STK3: variants seen among roughly 807,000 people sequenced by gnomAD.
STK3 encodes the protein serine/threonine kinase 3, also known as serine/threonine-protein kinase 3.
A neutral mutation model predicts 58.0 loss-of-function variants in STK3; 41 were observed. That is an observed-to-expected ratio of 0.71 (90% CI 0.55 to 0.92). The LOEUF (loss-of-function observed/expected upper bound fraction) is 0.92. Ranked by LOEUF, STK3 falls within the 40% of genes least tolerant of loss-of-function variation. STK3 has a pLI of 0.00. For missense variants in STK3, 479 were observed against 602.7 expected, an observed-to-expected ratio of 0.79 and a Z score of 2.15; for synonymous variants, 170 against 191.0, an observed-to-expected ratio of 0.89 and a Z score of 0.91.
intron 7 of STK3, among the ~76,000 whole-genome samples, chr8:98,584,321 TC>T (rs1395860318): frequency 6.6e-6 from 1 of 151,684 alleles, no homozygotes; most frequent in Non-Finnish European, 1.5e-5. Context: ...ATTGTTCAAT[TC>T]CCACCTATGA....
At chr8:98,810,060 A>G (rs964672288) in intron 1 of STK3, among the ~76,000 whole-genome samples, 61 of 152,250 alleles carry the variant, frequency 4.0e-4, no homozygotes, top group African/African-American at 1.4e-3. Context: ...AGCAGGAGGA[A>G]GAGAGAGAGA....
chr8:98,828,437 C>CAAAAAAAAAAAAAAAAAAAAAAAAAAAAA (rs367737626), upstream of STK3, among the ~76,000 whole-genome samples: 1 of 48,586 alleles, frequency 2.1e-5, no homozygotes, highest in Non-Finnish European at 3.5e-5. Context: ...CCCATCTCTA[C>CAAAAAAAAAAAAAAAAAAAAAAAAAAAAA]AAAAAAAAAA....
intron 1 of STK3, among the ~76,000 whole-genome samples, chr8:98,804,600 TTTC>T (rs1833791307): frequency 6.6e-6 from 1 of 152,200 alleles, no homozygotes; most frequent in South Asian, 2.1e-4. Context: ...TTCCCAAGAA[TTTC>T]TTATCTTCAA....
chr8:98,831,353 A>T (rs1587722497), intron 3 of STK3, among the ~76,000 whole-genome samples: 1 of 152,326 alleles, frequency 6.6e-6, no homozygotes, highest in East Asian at 1.9e-4. Flanking sequence ...CCTAGGCTCA[A>T]GGAATCCTCC....
At chr8:98,726,636 A>G (rs1397169875) in intron 4 of STK3, among the ~76,000 whole-genome samples, 3 of 152,208 alleles carry the variant, frequency 2.0e-5, no homozygotes, top group African/African-American at 7.2e-5. Context: ...AGCACTGATC[A>G]TTAGTACCCA....
intron 6 of STK3, among the ~76,000 whole-genome samples, chr8:98,626,722 C>G (rs141323782): frequency 2.0e-4 from 30 of 152,300 alleles, no homozygotes; most frequent in African/African-American, 7.2e-4. Flanking sequence ...TTCTTTCAAA[C>G]AGCCTCTAGG....
intron 3 of STK3, among the ~76,000 whole-genome samples, chr8:98,414,711 T>G (rs1818094334): frequency 6.6e-6 from 1 of 152,252 alleles, no homozygotes; most frequent in Non-Finnish European, 1.5e-5. Context: ...CAACTAGGAT[T>G]GGTCATGTGA....
In STK3 at chr8:98,516,374, G is replaced by A. The variant is rs1015735443; in HGVS notation, c.1317+10368C>T. On this transcript the variant is annotated intron_variant, in intron 10 of 10. Coordinates refer to ENST00000419617, the MANE Select transcript of STK3 (RefSeq NM_006281.4). ...CAAAAAAGATGAATTTCCACATATC[G>A]AAAGAGCTGCTACTAAATGATGACT... is the stretch of plus-strand genomic sequence containing the variant. 3.9e-5 allele frequency among the ~76,000 whole-genome samples: 6 copies of A among 151,972 alleles called. No homozygotes were observed. The East Asian group carries it at 5.8e-4, about 15-fold the overall frequency.
chr8:98,882,027 G>C (rs1388853985), downstream of STK3: 1 of 152,010 alleles, frequency 6.6e-6, no homozygotes, highest in Non-Finnish European at 1.5e-5. Flanking sequence ...TTTTAAAGAT[G>C]AGAATTGACC....
chr8:98,626,874 T>C (rs754909927), intron 6 of STK3, among the ~76,000 whole-genome samples: 1 of 152,230 alleles, frequency 6.6e-6, no homozygotes, highest in Non-Finnish European at 1.5e-5. Context: ...TTTTGGTAAG[T>C]GATTCTAGCT....
intron 10 of STK3, among the ~76,000 whole-genome samples, chr8:98,513,436 C>T (rs1275601412): frequency 6.6e-6 from 1 of 152,216 alleles, no homozygotes; most frequent in Non-Finnish European, 1.5e-5. Context: ...TGGCATCTCA[C>T]TTTCCAGCTG....
chr8:98,477,702 CGGGGGGGGGGGGGGT>C (rs1164731835), intron 10 of STK3, among the ~76,000 whole-genome samples: 1 of 2,280 alleles, frequency 4.4e-4, no homozygotes, highest in Non-Finnish European at 7.0e-4. Context: ...TCACACTTGG[CGGGGGGGGGGGGGGT>C]GGGCGGGGGG....
chr8:98,501,962 G>A (rs989351229), intron 10 of STK3, among the ~76,000 whole-genome samples: 11 of 152,154 alleles, frequency 7.2e-5, no homozygotes, highest in East Asian at 3.9e-4. Context: ...GTAGCTTGAC[G>A]GCGATGGCAT....
intron 1 of STK3, among the ~76,000 whole-genome samples, chr8:98,791,416 A>T (rs922645613): frequency 2.0e-5 from 3 of 152,188 alleles, no homozygotes; most frequent in African/African-American, 7.2e-5. Context: ...TACAAATTCA[A>T]TGCAATTCCC....
chr8:98,911,625 C>T (rs570402904), intron 1 of STK3, among the ~76,000 whole-genome samples: 1 of 152,186 alleles, frequency 6.6e-6, no homozygotes, highest in Non-Finnish European at 1.5e-5. Flanking sequence ...AACTCTTGGC[C>T]TCAAGTGATC....
chr8:98,619,720 C>T (rs1818096995), intron 6 of STK3, among the ~76,000 whole-genome samples: 1 of 145,964 alleles, frequency 6.9e-6, no homozygotes, highest in Admixed American at 6.9e-5. Context: ...AAAAAATGCT[C>T]ATCATCACTG....
intron 1 of STK3, among the ~76,000 whole-genome samples, chr8:98,925,016 C>T (rs1839730158): frequency 6.6e-6 from 1 of 152,170 alleles, no homozygotes; most frequent in Admixed American, 6.5e-5. Context: ...ACCAATGATT[C>T]AAAGCTAGGT....
chr8:98,486,004 A>C (rs1822225654), intron 10 of STK3, among the ~76,000 whole-genome samples: 1 of 152,196 alleles, frequency 6.6e-6, no homozygotes, highest in African/African-American at 2.4e-5. Context: ...TAAGGACAGT[A>C]GCAATGAAAA....
intron 6 of STK3, among the ~76,000 whole-genome samples, chr8:98,697,143 A>G (rs918281537): frequency 3.9e-5 from 6 of 152,120 alleles, no homozygotes; most frequent in African/African-American, 9.7e-5. Context: ...GTTTATTTGC[A>G]TAGAGGTGTT....
Sources: allele counts gnomAD v4.1 joint callset (sites outside exome capture counted in the v4.1 genomes callset), GRCh38; gene constraint gnomAD v4.1.1; transcripts MANE v1.5; gene names NCBI Gene and HGNC (gene_info 2026-07-23, HGNC 2026-07-21).